The following CD58 variants were observed in gnomAD, a reference collection of about 807,000 sequenced individuals.
The protein encoded by CD58 is CD58 molecule, also known as lymphocyte function-associated antigen 3.
CD58 carries 14 observed loss-of-function variants against 27.6 expected under a neutral mutation model. The ratio of observed to expected loss-of-function variants is 0.51; its 90% CI spans 0.34 to 0.79. The LOEUF (loss-of-function observed/expected upper bound fraction) is 0.79. Among genes scored for constraint, CD58 ranks in the 30% least tolerant of loss-of-function variants. The pLI is 0.02. For missense variants in CD58, 268 were observed against 301.7 expected (o/e 0.89, Z 0.83); for synonymous variants, 117 against 103.8 (o/e 1.13, Z -0.77).
At position 116,528,193 on chromosome 1, in the gene CD58, C is replaced by T. The variant is rs1050297459; in HGVS notation, c.629-6210G>A. Among the ~76,000 whole-genome samples, 3 of 152,226 alleles carry T rather than the reference C, an allele frequency of 2.0e-5. No individual in the cohort carries two copies. The highest frequency in any genetic ancestry group is 7.2e-5 in the African/African-American group (3 of 41,456). ...CTCCTACTTCTGTTTCTGCCTGTTACATTTCATCTGGTTCAAACTTTGTTC... is the reference window on the plus strand; with the variant it reads ...CTCCTACTTCTGTTTCTGCCTGTTATATTTCATCTGGTTCAAACTTTGTTC... On this transcript the variant is annotated intron_variant, in intron 3 of 5. Transcript: ENST00000369489. The surrounding 1 kb of genome is among the most constrained non-coding windows in gnomAD (Gnocchi z 4.4).
In CD58 at chr1:116,570,881, C is replaced by A; in HGVS notation, c.70+22G>T. The A allele has an allele frequency of 6.5e-7, 1 of 1,539,562 alleles. No individual in the cohort carries two copies. The highest frequency in any genetic ancestry group is 8.7e-7 in the Non-Finnish European group (1 of 1,146,632). On this transcript the variant is annotated intron_variant, in intron 1 of 5. Coordinates refer to ENST00000369489, the MANE Select transcript of CD58 (RefSeq NM_001779.3). This position sits in a 1 kb window ranked among gnomAD's most constrained non-coding sequence, Gnocchi z 6.4. The stretch of plus-strand genomic sequence containing the variant: ...CAGTACCCGCCGGCCGGCGCGGGGC[C>A]CCTGGGGCAGGCTTCACTCACCAAA...
rs1438917716 is a variant in CD58, at chr1:116,528,377, G to A, written c.629-6394C>T. Among the ~76,000 whole-genome samples, 1 of 152,004 alleles carries A rather than the reference G, an allele frequency of 6.6e-6. No homozygotes were observed. The highest frequency in any genetic ancestry group is 1.5e-5 in the Non-Finnish European group (1 of 68,000). On this transcript the variant is annotated intron_variant, in intron 3 of 5. Coordinates refer to ENST00000369489, the MANE Select transcript of CD58 (RefSeq NM_001779.3). The surrounding 1 kb of genome is among the most constrained non-coding windows in gnomAD (Gnocchi z 4.4). ...TTTCTTAGGAGTAAGATCAAAGGGTGTTTTTTTGAGGCTCTACCTTCAGTG... is the reference window on the plus strand; with the variant it reads ...TTTCTTAGGAGTAAGATCAAAGGGTATTTTTTTGAGGCTCTACCTTCAGTG...
chr1:116,530,315 C>G (rs1044013880), intron 3 of CD58, among the ~76,000 whole-genome samples: 1 of 151,882 alleles, frequency 6.6e-6, no homozygotes, highest in African/African-American at 2.4e-5. Flanking sequence ...ATGCCATTCT[C>G]CTGCCTCAGC....
chr1:116,533,897 T>G, intron 3 of CD58: 2 of 1,261,146 alleles, frequency 1.6e-6, no homozygotes, highest in East Asian at 2.4e-5. Context: ...GCATTAATTC[T>G]TCTTTTTACT....
rs928590847 is a variant in CD58, at chr1:116,550,022, T to C, written c.71-5418A>G. 6.6e-6 allele frequency among the ~76,000 whole-genome samples: 1 copy of C among 152,036 alleles called. No homozygotes were observed. The highest frequency in any genetic ancestry group is 1.5e-5 in the Non-Finnish European group (1 of 68,028). ...GTACATATTTAATTAAAAAATACTT[T>C]ATTGCTGAAAAAAAAAACATGCTAA... On this transcript the variant is annotated intron_variant, in intron 1 of 5. Transcript: ENST00000369489. This position sits in a 1 kb window ranked among gnomAD's most constrained non-coding sequence, Gnocchi z 4.2.
intron 1 of CD58, among the ~76,000 whole-genome samples, chr1:116,562,324 C>T (rs1337087306): frequency 6.6e-6 from 1 of 152,020 alleles, no homozygotes; most frequent in Non-Finnish European, 1.5e-5. Flanking sequence ...TAAAATAGTT[C>T]CTACCTTTTT....
chr1:116,558,079 C>G lies in CD58; in HGVS notation c.70+12824G>C, dbSNP rs183093139. ...AACAATGTAATTTTAAGATACTTCTCTCTCTCTCTCTAAAATATTTTAAGG... is the reference window on the plus strand; with the variant it reads ...AACAATGTAATTTTAAGATACTTCTGTCTCTCTCTCTAAAATATTTTAAGG... On this transcript the variant is annotated intron_variant, in intron 1 of 5. Transcript: ENST00000369489. 7.8e-3 allele frequency among the ~76,000 whole-genome samples: 1,168 copies of G among 149,828 alleles called. 7 individuals carry two copies. Among genetic ancestry groups the G allele is most frequent in the Admixed American group, 0.015 (231 of 14,994 alleles).
intron 2 of CD58, among the ~76,000 whole-genome samples, chr1:116,537,205 A>C (rs1276415222): frequency 6.6e-6 from 1 of 152,138 alleles, no homozygotes; most frequent in East Asian, 1.9e-4. Flanking sequence ...GTGCCAGTGC[A>C]CTCTAGCTCA....
intron 1 of CD58, among the ~76,000 whole-genome samples, chr1:116,567,405 G>A (rs1301022714): frequency 6.6e-6 from 1 of 151,530 alleles, no homozygotes; most frequent in East Asian, 2.0e-4. Flanking sequence ...GTAGGCCAAG[G>A]AGGGAGGATC....
chr1:116,570,237 T>C lies in CD58; in HGVS notation c.70+666A>G, dbSNP rs1390940060. Among the ~76,000 whole-genome samples, 2 of 152,194 alleles carry C rather than the reference T, an allele frequency of 1.3e-5. No homozygotes were observed. The highest frequency in any genetic ancestry group is 2.4e-5 in the African/African-American group (1 of 41,446). On this transcript the variant is annotated intron_variant, in intron 1 of 5. Transcript: ENST00000369489. The surrounding 1 kb of genome is among the most constrained non-coding windows in gnomAD (Gnocchi z 6.4). The stretch of plus-strand genomic sequence containing the variant: ...ATTTCCTGAGGTTGTTGTGACGACT[T>C]GGCTGACAACACACGGAGAGGATGG...
rs890232001 is a variant in CD58, at chr1:116,515,016, T to C, written c.744-194A>G. On this transcript the variant is annotated intron_variant, in intron 5 of 5. Coordinates refer to ENST00000369489, the MANE Select transcript of CD58 (RefSeq NM_001779.3). The surrounding 1 kb of genome is among the most constrained non-coding windows in gnomAD (Gnocchi z 4.6). ...CTTGGGATAGTAGTCTGAGTAACAC[T>C]TGAAGAACAGCCTTCAGGATGCTGC... Among the ~76,000 whole-genome samples the C allele has an allele frequency of 6.6e-6, 1 of 152,198 alleles. No individual in the cohort carries two copies. Among genetic ancestry groups the C allele is most frequent in the Non-Finnish European group, 1.5e-5 (1 of 68,032 alleles).
intron 1 of CD58, among the ~76,000 whole-genome samples, chr1:116,551,954 G>A (rs551688310): frequency 6.6e-6 from 1 of 152,160 alleles, no homozygotes; most frequent in South Asian, 2.1e-4. Context: ...TGGCCAGGTT[G>A]GTCTCAAACT....
Position 116,536,848 on chromosome 1 carries a change from G to A in CD58, c.365-620C>T, listed in dbSNP as rs555293798. On this transcript the variant is annotated intron_variant, in intron 2 of 5. Coordinates refer to ENST00000369489, the MANE Select transcript of CD58 (RefSeq NM_001779.3). This position sits in a 1 kb window ranked among gnomAD's most constrained non-coding sequence, Gnocchi z 5.4. Reference sequence around the variant, plus strand: ...AATCTCTGAAGCCAAAAGAGTCTTCGCAAGTTGGTAGCAAAATCGTTTAGC... The same window carrying A: ...AATCTCTGAAGCCAAAAGAGTCTTCACAAGTTGGTAGCAAAATCGTTTAGC... Among the ~76,000 whole-genome samples the A allele has an allele frequency of 1.3e-5, 2 of 152,264 alleles. No individual in the cohort carries two copies. The highest frequency in any genetic ancestry group is 1.3e-4 in the Admixed American group (2 of 15,302).
intron 1 of CD58, among the ~76,000 whole-genome samples, chr1:116,561,149 A>C (rs542731549): frequency 6.6e-6 from 1 of 152,362 alleles, no homozygotes; most frequent in East Asian, 1.9e-4. Flanking sequence ...GAAATGTTAG[A>C]GTGACAAGGA....
chr1:116,555,563 A>G (rs1658534150), intron 1 of CD58, among the ~76,000 whole-genome samples: 1 of 152,152 alleles, frequency 6.6e-6, no homozygotes, highest in Non-Finnish European at 1.5e-5. Flanking sequence ...AAGAATTTTG[A>G]ATTTTTTTTA....
chr1:116,518,588 G>T, intron 5 of CD58: 1 of 765,910 alleles, frequency 1.3e-6, no homozygotes, highest in Non-Finnish European at 1.6e-6. Flanking sequence ...TTCTTGTCCT[G>T]CCCTTCACAC....
In CD58 at chr1:116,553,007, T is replaced by A. The variant is rs1170677685; in HGVS notation, c.71-8403A>T. Among the ~76,000 whole-genome samples the A allele has an allele frequency of 2.0e-5, 3 of 152,162 alleles. No homozygotes were observed. In the East Asian group the frequency reaches 5.8e-4, roughly 29 times the overall value. Reference sequence around the variant, plus strand: ...TGACAGCATTAGGTAATTTTTTTTTTATGTTTAATTTTTGGGCAAATAGTG... The same window carrying A: ...TGACAGCATTAGGTAATTTTTTTTTAATGTTTAATTTTTGGGCAAATAGTG... On this transcript the variant is annotated intron_variant, in intron 1 of 5. Transcript: ENST00000369489.
rs1657277456 is a variant in CD58, at chr1:116,522,021, A to T, written c.629-38T>A. On this transcript the variant is annotated intron_variant, in intron 3 of 5. Transcript: ENST00000369489. The surrounding 1 kb of genome is among the most constrained non-coding windows in gnomAD (Gnocchi z 4.6). ...AAAGAAAAGAAATTCAACTAGTTGAACTGATCAAAATGGATCCTCATTATT... is the reference window on the plus strand; with the variant it reads ...AAAGAAAAGAAATTCAACTAGTTGATCTGATCAAAATGGATCCTCATTATT... The T allele has an allele frequency of 8.7e-7, 1 of 1,150,230 alleles. No homozygotes were observed. Among genetic ancestry groups the T allele is most frequent in the Non-Finnish European group, 1.3e-6 (1 of 782,936 alleles). 71.3% of individuals were successfully genotyped at this position (1,150,230 alleles called of 1,614,324 possible).
intron 1 of CD58, among the ~76,000 whole-genome samples, chr1:116,555,473 G>C (rs1187055456): frequency 6.6e-6 from 1 of 152,240 alleles, no homozygotes; most frequent in East Asian, 1.9e-4. Flanking sequence ...GAGATGGAGG[G>C]AGGGAAAAAA....
Sources: allele counts gnomAD v4.1 joint callset (sites outside exome capture counted in the v4.1 genomes callset), GRCh38; gene constraint gnomAD v4.1.1; non-coding constraint Gnocchi (gnomAD v3.1); transcripts MANE v1.5; gene names NCBI Gene and HGNC (gene_info 2026-07-23, HGNC 2026-07-21).